INTS8: variants seen among roughly 807,000 people sequenced by gnomAD.
The protein encoded by INTS8 is protein kaonashi-1.
Under a neutral mutation model 138.9 loss-of-function variants are expected in INTS8, and 47 were observed. The observed-to-expected ratio is 0.34, with a 90% CI of 0.27 to 0.43. INTS8 has a LOEUF of 0.43. Among genes scored for constraint, INTS8 ranks in the 20% least tolerant of loss-of-function variants. The pLI, the probability that INTS8 is intolerant of heterozygous loss-of-function variation, is 1.00. For missense variants in INTS8, 996 were observed against 1,173.0 expected (o/e 0.85, Z 2.20); for synonymous variants, 392 against 400.9 (o/e 0.98, Z 0.27).
At chr8:94,841,198 A>AC (rs1330757573) in intron 8 of INTS8, among the ~76,000 whole-genome samples, 5 of 152,158 alleles carry the variant, frequency 3.3e-5, no homozygotes, top group Non-Finnish European at 5.9e-5. Context: ...AGCGTGAGCC[A>AC]CCATGCCTGG....
intron 26 of INTS8, among the ~76,000 whole-genome samples, chr8:94,877,711 G>A (rs79311133): frequency 0.027 from 4,055 of 152,200 alleles, 71 homozygotes; most frequent in Non-Finnish European, 0.04. Context: ...CTCTGTACCA[G>A]CCACTCACAC....
chr8:94,841,686 T>A, intron 9 of INTS8, 95 bp downstream of exon 9: 1 of 666,982 alleles, frequency 1.5e-6, no homozygotes, highest in South Asian at 1.9e-5. Flanking sequence ...CCTATGGCTC[T>A]GTGACATTAT....
Position 94,838,471 on chromosome 8 carries a change from A to T in INTS8, c.870A>T (p.Ser290=). The change falls in exon 8 of 27, where the codon TCA becomes TCT. Residue 290 remains serine, a synonymous_variant. Transcript: ENST00000523731. ...RTKELIAEIG[S]LSLHCTIDEK... ...TACCTCTTACTTTACAGATAGGTTCATTATCTCTTCATTGTACCATAGATG... is the reference window on the plus strand; with the variant it reads ...TACCTCTTACTTTACAGATAGGTTCTTTATCTCTTCATTGTACCATAGATG... 1 of 1,612,426 alleles carries T rather than the reference A, an allele frequency of 6.2e-7. No homozygotes were observed. The highest frequency in any genetic ancestry group is 8.5e-7 in the Non-Finnish European group (1 of 1,178,518).
In INTS8 at chr8:94,823,439, C is replaced by A; in HGVS notation, c.8C>A (p.Ala3Glu). The part of the protein sequence containing the change: MS[A>E]EAADREAATS... ...AGCGGCGGCGGGGGCAGGATGAGCG[C>A]GGAGGCGGCGGACCGGGAGGCGGCC... is the stretch of plus-strand genomic sequence containing the variant. The change falls in exon 1 of 27, where the codon GCG (alanine) becomes GAG (glutamate). Residue 3 changes from alanine to glutamate, a missense_variant. Physicochemically the swap from Ala to Glu is moderately radical, Grantham distance 107 (BLOSUM62 -1). Transcript: ENST00000523731. 6.5e-7 allele frequency: 1 copy of A among 1,531,120 alleles called. No homozygotes were observed. Among genetic ancestry groups the A allele is most frequent in the Non-Finnish European group, 8.8e-7 (1 of 1,139,692 alleles). 94.8% of individuals were successfully genotyped at this position (1,531,120 alleles called of 1,614,324 possible). A position where few individuals can be genotyped will look rare whatever the true frequency, so the allele number is the denominator to read the frequency against.
chr8:94,881,425 T>C lies in INTS8; in HGVS notation c.*1191T>C. ...TGAAGACATCTTTGTAAACAAGTCC[T>C]GCTGTTTCTTTAACAGCTAACATAG... On this transcript the variant is annotated 3_prime_UTR_variant, in exon 27 of 27. Coordinates refer to ENST00000523731, the MANE Select transcript of INTS8 (RefSeq NM_017864.4). The C allele has an allele frequency of 5.4e-6, 3 of 551,566 alleles. No individual in the cohort carries two copies. Among genetic ancestry groups the C allele is most frequent in the Non-Finnish European group, 9.5e-6 (3 of 316,796 alleles). The allele number at this position is 551,566 out of a possible 1,614,324, so 34.2% of individuals were successfully genotyped here.
At chr8:94,834,598 G>T (rs573813548) in intron 6 of INTS8, among the ~76,000 whole-genome samples, 2 of 151,930 alleles carry the variant, frequency 1.3e-5, no homozygotes, top group South Asian at 2.1e-4. Flanking sequence ...CAGCTACTCG[G>T]CAGGCTGAGG....
At chr8:94,830,664 A>G (rs557221071) in intron 5 of INTS8, among the ~76,000 whole-genome samples, 1 of 152,180 alleles carries the variant, frequency 6.6e-6, no homozygotes, top group East Asian at 1.9e-4. Flanking sequence ...CACTAGACTA[A>G]TTTTTGTATT....
intron 16 of INTS8, among the ~76,000 whole-genome samples, chr8:94,860,913 C>T (rs182063069): frequency 6.4e-4 from 97 of 151,658 alleles, no homozygotes; most frequent in African/African-American, 2.2e-3. Context: ...AAAAATTAGC[C>T]GGGCGTAGTG....
chr8:94,880,090 T>C (rs746435950), intron 26 of INTS8, 28 bp from the exon 27 acceptor site: 13 of 1,508,074 alleles, frequency 8.6e-6, no homozygotes, highest in Non-Finnish European at 1.0e-5. Context: ...GACACACCTC[T>C]AATAACATCA....
intron 2 of INTS8, among the ~76,000 whole-genome samples, chr8:94,825,856 A>AT (rs960850077): frequency 4.6e-5 from 7 of 151,846 alleles, no homozygotes; most frequent in Admixed American, 1.3e-4. Context: ...TTTTCATGTA[A>AT]TTTTTTTTCT....
chr8:94,879,944 C>G (rs1816734471), intron 26 of INTS8, 174 bp from the exon 27 acceptor site: 4 of 464,324 alleles, frequency 8.6e-6, no homozygotes, highest in Non-Finnish European at 1.2e-5. Flanking sequence ...TGAGAGTGGC[C>G]CTGGTTAATC....
intron 14 of INTS8, among the ~76,000 whole-genome samples, chr8:94,854,943 C>T (rs992613127): frequency 6.7e-6 from 1 of 149,990 alleles, no homozygotes; most frequent in African/African-American, 2.5e-5. Context: ...ACAGCATCTC[C>T]TTATTTTGCC....
In INTS8 at chr8:94,823,664, G is replaced by C. The variant is rs965034844; in HGVS notation, c.130+103G>C. 4.9e-5 allele frequency: 47 copies of C among 968,446 alleles called. No individual in the cohort carries two copies. The African/African-American group carries it at 7.6e-4, about 16-fold the overall frequency. 60.0% of individuals were successfully genotyped at this position (968,446 alleles called of 1,614,324 possible). On this transcript the variant is annotated intron_variant, in intron 1 of 26. Coordinates refer to ENST00000523731, the MANE Select transcript of INTS8 (RefSeq NM_017864.4). ...TTCTCGGTCACCGAAGCTGCGGCCT[G>C]GGAGGCGCGCACAGGAGCCCAGCTC...
At chr8:94,873,065 A>G (rs920270212) in intron 21 of INTS8, among the ~76,000 whole-genome samples, 10 of 152,212 alleles carry the variant, frequency 6.6e-5, no homozygotes, top group African/African-American at 2.4e-4. Context: ...AAAAGAAGCT[A>G]TCAGGTTCTC....
At chr8:94,858,967 G>A (rs549566909) in intron 15 of INTS8, among the ~76,000 whole-genome samples, 2 of 152,162 alleles carry the variant, frequency 1.3e-5, no homozygotes, top group Non-Finnish European at 1.5e-5. Context: ...TATAAACAGT[G>A]TTTAAAATAA....
intron 2 of INTS8, among the ~76,000 whole-genome samples, 163 bp downstream of exon 2, chr8:94,825,230 A>T (rs976756441): frequency 6.6e-6 from 1 of 152,124 alleles, no homozygotes; most frequent in Non-Finnish European, 1.5e-5. Context: ...CTGGCAGATT[A>T]CTTGAGGTCA....
rs565922073 is a variant in INTS8, at chr8:94,836,752, A to T, written c.861+121A>T. ...TTATTATAAATGTGTGATGTTCAAG[A>T]AAGTACTAAAACTGGTTTTTAAAAA... is the stretch of plus-strand genomic sequence containing the variant. On this transcript the variant is annotated intron_variant, in intron 7 of 26. Transcript: ENST00000523731. The T allele has an allele frequency of 4.4e-5, 27 of 607,806 alleles. 1 individual carries two copies. The highest frequency in any genetic ancestry group is 2.8e-4 in the South Asian group (13 of 47,014). The allele number at this position is 607,806 out of a possible 1,614,324, so 37.7% of individuals were successfully genotyped here. A position where few individuals can be genotyped will look rare whatever the true frequency, so the allele number is the denominator to read the frequency against.
rs1254477228 is a variant in INTS8, at chr8:94,823,297, A to G, written c.-135A>G. The G allele has an allele frequency of 6.6e-7, 1 of 1,523,986 alleles. No individual in the cohort carries two copies. Among genetic ancestry groups the G allele is most frequent in the Non-Finnish European group, 8.8e-7 (1 of 1,139,544 alleles). The allele number at this position is 1,523,986 out of a possible 1,614,324, so 94.4% of individuals were successfully genotyped here. On this transcript the variant is annotated 5_prime_UTR_variant, in exon 1 of 27. Transcript: ENST00000523731. ...CGGCTGGCCCGCGCCGCCATTTTGG[A>G]TTGTGTGAGTTTCCGGGACGTTCGG...
intron 18 of INTS8, 198 bp from the exon 19 acceptor site, chr8:94,866,942 T>C (rs918856351): frequency 1.2e-5 from 6 of 497,304 alleles, no homozygotes; most frequent in Non-Finnish European, 2.2e-5. Flanking sequence ...ATGTAAATTA[T>C]GTGCTATGGT....
Sources: gnomAD v4.1 joint callset for allele counts (sites outside exome capture counted in the v4.1 genomes callset) on GRCh38, gnomAD v4.1.1 for gene constraint, MANE v1.5 for transcripts, NCBI Gene and HGNC (gene_info 2026-07-23, HGNC 2026-07-21) for gene names.